Variants in C6 observed in about 807,000 individuals in gnomAD.
C6 encodes the protein complement C6.
A neutral mutation model predicts 112.9 loss-of-function variants in C6; 101 were observed. That is an observed-to-expected ratio of 0.89 (90% CI 0.76 to 1.06). The LOEUF is 1.06. Among genes scored for constraint, C6 ranks in the 50% least tolerant of loss-of-function variants. The probability of loss-of-function intolerance (pLI) is 0.00; values close to 1 mark genes in which losing one functional copy is unlikely to be tolerated. For missense variants in C6, 1,202 were observed against 1,104.6 expected, an observed-to-expected ratio of 1.09 and a Z score of -1.25; for synonymous variants, 431 against 384.1, an observed-to-expected ratio of 1.12 and a Z score of -1.43.
intron 1 of C6, among the ~76,000 whole-genome samples, chr5:41,234,211 T>C (rs902518259): frequency 4.6e-5 from 7 of 152,202 alleles, no homozygotes; most frequent in Non-Finnish European, 1.0e-4. Context: ...TTGCAATGTA[T>C]CAATATCAAT....
intron 9 of C6, among the ~76,000 whole-genome samples, chr5:41,166,579 C>T (rs1747992613): frequency 1.3e-5 from 2 of 152,048 alleles, no homozygotes; most frequent in South Asian, 2.1e-4. Flanking sequence ...TTATAATGTG[C>T]TAAACATGGT....
intron 8 of C6, among the ~76,000 whole-genome samples, chr5:41,176,055 T>C (rs1382014001): frequency 2.0e-5 from 3 of 152,342 alleles, no homozygotes; most frequent in Middle Eastern, 3.4e-3. Context: ...ATTTAATTCG[T>C]TATAAGGTAT....
Position 41,255,295 on chromosome 5 carries a change from C to T in C6, c.-21+5899G>A, listed in dbSNP as rs139838839. On this transcript the variant is annotated intron_variant, in intron 1 of 17. Coordinates refer to the C6 transcript ENST00000263413. ...GGAATTGCTTAAACCTGGGAGGCGG[C>T]GGCCGCAGTGAGCCGAGATCGCCCC... 3.8e-4 allele frequency among the ~76,000 whole-genome samples: 57 copies of T among 150,376 alleles called. 1 individual carries two copies. The highest frequency in any genetic ancestry group is 8.0e-4 in the Admixed American group (12 of 14,998).
chr5:41,147,619 T>C (rs982010489), intron 17 of C6, among the ~76,000 whole-genome samples: 1 of 152,224 alleles, frequency 6.6e-6, no homozygotes, highest in Non-Finnish European at 1.5e-5. Context: ...TTTTTGTCTT[T>C]CTTTTTGCAA....
chr5:41,176,636 T>C lies in C6; in HGVS notation c.1007A>G (p.Asp336Gly). 4 of 1,613,854 alleles carry C rather than the reference T, an allele frequency of 2.5e-6. No homozygotes were observed. The highest frequency in any genetic ancestry group is 2.2e-5 in the South Asian group (2 of 91,066). Reference protein sequence around the residue: ...TTKAKDLHLSDVFLKALNHLP... With the variant: ...TTKAKDLHLSGVFLKALNHLP... ...ATGGTTAAGTGCTTTCAAAAAGACA[T>C]CAGAAAGGTGCAGATCTTTAGCTTT... is the stretch of plus-strand genomic sequence containing the variant. The change falls in exon 8 of 18, where the codon GAT becomes GGT. Residue 336 changes from aspartate to glycine, a missense_variant. By Grantham distance (94) the Asp-to-Gly change is moderately conservative (BLOSUM62 -1). Transcript: ENST00000337836.
chr5:41,176,581 G>C lies in C6; in HGVS notation c.1062C>G (p.Tyr354Ter), dbSNP rs757079865. 2 of 1,613,864 alleles carry C rather than the reference G, an allele frequency of 1.2e-6. No homozygotes were observed. Among genetic ancestry groups the C allele is most frequent in the Non-Finnish European group, 1.7e-6 (2 of 1,179,852 alleles). Residue 354 changes from tyrosine (Y) to a stop codon, truncating the protein, a stop_gained, in exon 8 of 18, where the codon TAC (tyrosine) becomes TAG (stop). Coordinates refer to ENST00000337836, the MANE Select transcript of C6 (RefSeq NM_000065.5). LOFTEE classifies it high-confidence loss of function. ...TCCCAAAGTCATCGAATATTCGGCT[G>C]TACAAAGCAGAGTTGTATTCTAGAG... ...HLPLEYNSALYSRIFDDFGTH... is the reference protein window; with the variant it reads ...HLPLEYNSAL
upstream of C6, chr5:41,213,648 T>C: frequency 1.6e-6 from 1 of 634,370 alleles, no homozygotes; most frequent in Non-Finnish European, 2.0e-6. Flanking sequence ...CACAGAGTCC[T>C]GAATTTTCAG....
intron 5 of C6, among the ~76,000 whole-genome samples, chr5:41,194,031 T>C (rs1750423610): frequency 6.6e-6 from 1 of 152,164 alleles, no homozygotes; most frequent in Admixed American, 6.5e-5. Context: ...TCAGCCAAAG[T>C]ACACATAGCA....
intron 5 of C6, among the ~76,000 whole-genome samples, chr5:41,195,496 C>T (rs1750539986): frequency 1.3e-5 from 2 of 152,172 alleles, no homozygotes; most frequent in Admixed American, 1.3e-4. Flanking sequence ...CCAGTCTGCT[C>T]TAATCCATTC....
chr5:41,185,240 G>T lies in C6; in HGVS notation c.726+830C>A, dbSNP rs375781677. On this transcript the variant is annotated intron_variant, in intron 6 of 17. Transcript: ENST00000337836. ...CCCCACCTATCAGTATATATTAGAT[G>T]GTTTTAAATTGAGTGAATTGAATTG... Among the ~76,000 whole-genome samples the T allele has an allele frequency of 2.0e-5, 3 of 152,034 alleles. No individual in the cohort carries two copies. In the South Asian group the frequency reaches 6.2e-4, roughly 32 times the overall value.
At chr5:41,143,584 A>G (rs376088873) in intron 17 of C6, among the ~76,000 whole-genome samples, 2 of 152,202 alleles carry the variant, frequency 1.3e-5, no homozygotes, top group African/African-American at 4.8e-5. Flanking sequence ...CTTACAGCAA[A>G]CATATGAATA....
upstream of C6, chr5:41,213,603 A>G (rs958654847): frequency 4.1e-6 from 4 of 968,306 alleles, no homozygotes; most frequent in African/African-American, 7.0e-5. Flanking sequence ...TACACCAATC[A>G]GTAGTAACCC....
At chr5:41,234,872 T>C (rs1008399837) in intron 1 of C6, among the ~76,000 whole-genome samples, 10 of 152,124 alleles carry the variant, frequency 6.6e-5, no homozygotes, top group Admixed American at 2.0e-4. Context: ...AGGTAGATAA[T>C]TTATTGTTGC....
chr5:41,234,492 T>C (rs1366145598), intron 1 of C6, among the ~76,000 whole-genome samples: 1 of 152,090 alleles, frequency 6.6e-6, no homozygotes, highest in Non-Finnish European at 1.5e-5. Flanking sequence ...AGTAGCCATT[T>C]AATCAATAGA....
intron 2 of C6, among the ~76,000 whole-genome samples, chr5:41,202,582 G>A (rs796377517): frequency 6.6e-6 from 1 of 152,146 alleles, no homozygotes; most frequent in Non-Finnish European, 1.5e-5. Context: ...ATTTAACAGA[G>A]TTAAAGAAAC....
At chr5:41,230,253 TGGGG>T (rs1415424564) in intron 1 of C6, among the ~76,000 whole-genome samples, 4 of 152,042 alleles carry the variant, frequency 2.6e-5, no homozygotes, top group Non-Finnish European at 5.9e-5. Flanking sequence ...TCTGACTGAC[TGGGG>T]GGTTGGGCAG....
intron 2 of C6, among the ~76,000 whole-genome samples, chr5:41,202,637 A>G (rs181711128): frequency 1.3e-5 from 2 of 152,352 alleles, no homozygotes; most frequent in Admixed American, 6.5e-5. Flanking sequence ...CTGAATTATT[A>G]AATGTTATCA....
Position 41,159,130 on chromosome 5 carries a change from C to T in C6, c.1808G>A (p.Gly603Glu), listed in dbSNP as rs776567083. 3.1e-6 allele frequency: 5 copies of T among 1,613,734 alleles called. No homozygotes were observed. The highest frequency in any genetic ancestry group is 1.7e-4 in the Middle Eastern group (1 of 6,058). ...APQRGGKRCE[G>E]EKRQEEDCTF... ...GCAGTCTTCCTCTTGTCGCTTCTCC[C>T]CCTCACAGCGTTTCCCTCCTCGTTG... Residue 603 changes from glycine (G) to glutamate (E), a missense_variant, in exon 12 of 18, where the codon GGG (glycine) becomes GAG (glutamate). Gly to Glu is a moderately conservative substitution (Grantham distance 98). Coordinates refer to ENST00000337836, the MANE Select transcript of C6 (RefSeq NM_000065.5).
At chr5:41,198,600 T>C (rs1303144193) in intron 4 of C6, among the ~76,000 whole-genome samples, 4 of 152,150 alleles carry the variant, frequency 2.6e-5, no homozygotes, top group Non-Finnish European at 5.9e-5. Context: ...GTTATGGACA[T>C]AACTGTTGAT....
Sources: gnomAD v4.1 joint callset for allele counts (sites outside exome capture counted in the v4.1 genomes callset) on GRCh38, gnomAD v4.1.1 for gene constraint, MANE v1.5 for transcripts, NCBI Gene and HGNC (gene_info 2026-07-23, HGNC 2026-07-21) for gene names.